TNS3: variants seen among roughly 807,000 people sequenced by gnomAD.
TNS3 encodes the protein tensin 3.
Under a neutral mutation model 140.9 loss-of-function variants are expected in TNS3, and 45 were observed. That is an observed-to-expected ratio of 0.32 (90% CI 0.25 to 0.41). The LOEUF is 0.41. Among genes scored for constraint, TNS3 ranks in the 10% least tolerant of loss-of-function variants. TNS3 has a pLI of 1.00. For synonymous variants in TNS3, 815 were observed against 788.4 expected, an observed-to-expected ratio of 1.03 and a Z score of -0.56; for missense variants, 1,716 against 1,906.7, an observed-to-expected ratio of 0.90 and a Z score of 1.86.
chr7:47,314,993 G>A (rs948528088), intron 20 of TNS3, among the ~76,000 whole-genome samples: 1 of 152,230 alleles, frequency 6.6e-6, no homozygotes, highest in African/African-American at 2.4e-5. Context: ...CCGTCTTCCT[G>A]AGGCCATGCA....
chr7:47,544,949 T>A (rs1799880517), intron 1 of TNS3, among the ~76,000 whole-genome samples: 1 of 151,358 alleles, frequency 6.6e-6, no homozygotes, highest in African/African-American at 2.4e-5. Flanking sequence ...CCCTGCAGAG[T>A]TAGTTGTACG....
chr7:47,328,063 C>A (rs2150894315), intron 20 of TNS3, among the ~76,000 whole-genome samples: 1 of 152,326 alleles, frequency 6.6e-6, no homozygotes. Flanking sequence ...GGCTGTGTCC[C>A]CAGCAGCCCT....
chr7:47,295,237 G>A (rs1279227186), intron 24 of TNS3, among the ~76,000 whole-genome samples: 1 of 152,156 alleles, frequency 6.6e-6, no homozygotes, highest in Non-Finnish European at 1.5e-5. Flanking sequence ...CAGGATGCAC[G>A]CACAGAGGTA....
rs550510672 is a variant in TNS3 at position 47,377,525 on chromosome 7, C to A, written c.1025-7904G>T. 6.6e-5 allele frequency among the ~76,000 whole-genome samples: 10 copies of A among 152,266 alleles called. No homozygotes were observed. The South Asian group carries it at 1.9e-3, about 28-fold the overall frequency. On this transcript the variant is annotated intron_variant, in intron 16 of 30. Transcript: ENST00000311160. The stretch of plus-strand genomic sequence containing the variant: ...CTTGATAGTGGTGGGAGTGTCATGG[C>A]ATAATGTTTGTCAAACTCAGACTAC...
chr7:47,472,896 A>G (rs115153775), intron 4 of TNS3, among the ~76,000 whole-genome samples: 5,840 of 152,160 alleles, frequency 0.038, 174 homozygotes, highest in Non-Finnish European at 0.059. Context: ...GATGGGGGTG[A>G]GGGTCATCCC....
chr7:47,531,788 G>T (rs1014763048), intron 1 of TNS3, among the ~76,000 whole-genome samples: 2 of 152,206 alleles, frequency 1.3e-5, no homozygotes, highest in African/African-American at 2.4e-5. Flanking sequence ...TCTGAGTTGG[G>T]GTGGGAACTC....
At chr7:47,398,085 C>T (rs1469783541) in intron 15 of TNS3, among the ~76,000 whole-genome samples, 3 of 152,104 alleles carry the variant, frequency 2.0e-5, no homozygotes, top group Non-Finnish European at 4.4e-5. Flanking sequence ...TTCCTGGACA[C>T]AGACAACCCT....
At chr7:47,399,087 A>G (rs1235083597) in intron 15 of TNS3, among the ~76,000 whole-genome samples, 4 of 151,344 alleles carry the variant, frequency 2.6e-5, no homozygotes, top group African/African-American at 7.3e-5. Flanking sequence ...GCTGAAAAAA[A>G]AAAAAAAAAA....
At chr7:47,378,831 TGA>T (rs1260870980) in intron 16 of TNS3, among the ~76,000 whole-genome samples, 1 of 152,176 alleles carries the variant, frequency 6.6e-6, no homozygotes, top group Admixed American at 6.5e-5. Flanking sequence ...CCCTCAGCAG[TGA>T]GAGAACATTT....
At chr7:47,501,204 G>A (rs1798211132) in intron 3 of TNS3, among the ~76,000 whole-genome samples, 1 of 144,424 alleles carries the variant, frequency 6.9e-6, no homozygotes, top group Non-Finnish European at 1.5e-5. Flanking sequence ...GAGGGAGGGA[G>A]GGAGGGAGGG....
intron 27 of TNS3, among the ~76,000 whole-genome samples, chr7:47,284,091 C>T (rs952502115): frequency 8.5e-5 from 13 of 152,190 alleles, no homozygotes; most frequent in African/African-American, 2.9e-4. Context: ...AGAGAATAAG[C>T]GAGTTACTAG....
chr7:47,398,630 T>A (rs952185058), intron 15 of TNS3, among the ~76,000 whole-genome samples: 1 of 152,204 alleles, frequency 6.6e-6, no homozygotes, highest in South Asian at 2.1e-4. Context: ...CATCCCTTTA[T>A]GATAAAAACA....
chr7:47,391,198 C>T (rs572606149), intron 16 of TNS3, among the ~76,000 whole-genome samples: 10 of 152,308 alleles, frequency 6.6e-5, no homozygotes, highest in African/African-American at 1.2e-4. Context: ...CTGTCCTCTT[C>T]GTGAATCTCC....
intron 4 of TNS3, among the ~76,000 whole-genome samples, chr7:47,459,158 C>A (rs781113343): frequency 3.3e-5 from 5 of 152,216 alleles, no homozygotes; most frequent in Admixed American, 6.5e-5. Context: ...AAATTTCCCA[C>A]TCTTATGAAT....
At chr7:47,488,622 A>G (rs944475725) in intron 3 of TNS3, among the ~76,000 whole-genome samples, 11 of 152,230 alleles carry the variant, frequency 7.2e-5, no homozygotes, top group Admixed American at 6.5e-5. Context: ...TAAAGACCTT[A>G]TCTCCAAATC....
At chr7:47,451,447 G>A (rs1360352283) in intron 4 of TNS3, among the ~76,000 whole-genome samples, 1 of 152,102 alleles carries the variant, frequency 6.6e-6, no homozygotes, top group Non-Finnish European at 1.5e-5. Context: ...CGGGCGTGGT[G>A]GTATGTGGCT....
At chr7:47,304,065 A>G (rs553477731) in intron 21 of TNS3, among the ~76,000 whole-genome samples, 1 of 152,026 alleles carries the variant, frequency 6.6e-6, no homozygotes, top group Non-Finnish European at 1.5e-5. Flanking sequence ...TGCCACCCAC[A>G]TTCATCCCCC....
intron 4 of TNS3, among the ~76,000 whole-genome samples, chr7:47,445,382 G>A (rs1446024141): frequency 6.6e-6 from 1 of 152,138 alleles, no homozygotes; most frequent in African/African-American, 2.4e-5. Flanking sequence ...ATGGTGATGA[G>A]GAAATGAGGA....
chr7:47,578,304 T>C lies in TNS3; in HGVS notation c.-265+3747A>G, dbSNP rs772152244. On this transcript the variant is annotated intron_variant, in intron 1 of 30. Coordinates refer to ENST00000311160, the MANE Select transcript of TNS3 (RefSeq NM_022748.12). The stretch of plus-strand genomic sequence containing the variant: ...CAGCCTGGACTCCAGCAAGACTCCA[T>C]CTCAAAAAAATAAAAATAAAAAAAT... 9.9e-5 allele frequency among the ~76,000 whole-genome samples: 15 copies of C among 151,710 alleles called. 1 individual carries two copies. The highest frequency in any genetic ancestry group is 1.9e-4 in the Non-Finnish European group (13 of 67,944).
Sources: gnomAD v4.1 joint callset for allele counts (sites outside exome capture counted in the v4.1 genomes callset) on GRCh38, gnomAD v4.1.1 for gene constraint, MANE v1.5 for transcripts, NCBI Gene and HGNC (gene_info 2026-07-23, HGNC 2026-07-21) for gene names.